The following GRIN2B variants were observed in gnomAD, a reference collection of about 807,000 sequenced individuals.
The protein encoded by GRIN2B is glutamate receptor ionotropic, NMDA 2B.
In GRIN2B, 5 loss-of-function variants were observed where a neutral mutation model predicts 114.5. That is an observed-to-expected ratio of 0.04 (90% CI 0.02 to 0.09). The LOEUF (loss-of-function observed/expected upper bound fraction) is 0.09. Ranked by LOEUF, GRIN2B falls within the 10% of genes least tolerant of loss-of-function variation. The pLI is 1.00. For synonymous variants in GRIN2B, 787 were observed against 745.1 expected (o/e 1.06, Z -0.92); for missense variants, 1,108 against 1,943.5 (o/e 0.57, Z 8.08).
rs137936901 is a variant in GRIN2B, at chr12:13,633,159, G to T, written c.1126-16502C>A. ...TTGACCTTGTAAGGCTGTTGCACTT[G>T]TGCATGTTTGTAGATTCCTTCACTG... On this transcript the variant is annotated intron_variant, in intron 5 of 13. Transcript: ENST00000609686. Among the ~76,000 whole-genome samples the T allele has an allele frequency of 3.9e-5, 6 of 152,314 alleles. 1 individual carries two copies. Among genetic ancestry groups the T allele is most frequent in the African/African-American group, 1.4e-4 (6 of 41,570 alleles).
intron 4 of GRIN2B, among the ~76,000 whole-genome samples, chr12:13,720,215 C>A (rs2136591905): frequency 6.6e-6 from 1 of 152,154 alleles, no homozygotes; most frequent in African/African-American, 2.4e-5. Flanking sequence ...TGTGGCCTGG[C>A]ATCTGTCACA....
At chr12:13,814,580 G>GA (rs1374929912) in intron 3 of GRIN2B, among the ~76,000 whole-genome samples, 4 of 152,164 alleles carry the variant, frequency 2.6e-5, no homozygotes, top group African/African-American at 9.7e-5. Context: ...TTTTCACAAG[G>GA]AAATTTAAGC....
intron 9 of GRIN2B, among the ~76,000 whole-genome samples, chr12:13,609,657 C>T (rs1270124805): frequency 1.3e-5 from 2 of 152,016 alleles, no homozygotes; most frequent in African/African-American, 4.8e-5. Flanking sequence ...CCTGTAGTCC[C>T]AGCTATTCGG....
chr12:13,808,752 A>AAAAT (rs1555142377), intron 3 of GRIN2B, among the ~76,000 whole-genome samples: 72 of 109,896 alleles, frequency 6.6e-4, no homozygotes, highest in African/African-American at 1.9e-3. Flanking sequence ...ATAAAAAAAA[A>AAAAT]ATATATATAT....
intron 3 of GRIN2B, among the ~76,000 whole-genome samples, chr12:13,812,050 G>C (rs990942876): frequency 2.0e-5 from 3 of 152,132 alleles, no homozygotes; most frequent in Non-Finnish European, 4.4e-5. Context: ...ATCTTTCATA[G>C]AAGTCTCAAA....
intron 3 of GRIN2B, among the ~76,000 whole-genome samples, chr12:13,783,810 G>T (rs1254447401): frequency 6.6e-6 from 1 of 152,228 alleles, no homozygotes; most frequent in Non-Finnish European, 1.5e-5. Context: ...CTACCTGCTG[G>T]CCAGACTTGG....
intron 4 of GRIN2B, among the ~76,000 whole-genome samples, chr12:13,707,352 T>G (rs1464037246): frequency 6.6e-6 from 1 of 152,166 alleles, no homozygotes; most frequent in Non-Finnish European, 1.5e-5. Context: ...AGATGGCCTG[T>G]GACTCAGGAG....
At chr12:13,660,749 C>T (rs1949913992) in intron 5 of GRIN2B, among the ~76,000 whole-genome samples, 1 of 152,162 alleles carries the variant, frequency 6.6e-6, no homozygotes, top group South Asian at 2.1e-4. Context: ...CCTTTGCATC[C>T]TTATTTAGCA....
chr12:13,646,192 A>G (rs1949760324), intron 5 of GRIN2B, among the ~76,000 whole-genome samples: 1 of 152,120 alleles, frequency 6.6e-6, no homozygotes, highest in Non-Finnish European at 1.5e-5. Context: ...AAAGACATAT[A>G]TGCAACATTT....
intron 2 of GRIN2B, among the ~76,000 whole-genome samples, chr12:13,952,679 G>A (rs1288825869): frequency 6.6e-6 from 1 of 151,974 alleles, no homozygotes; most frequent in Non-Finnish European, 1.5e-5. Context: ...TGTATTTAAG[G>A]TATATAATAG....
intron 4 of GRIN2B, among the ~76,000 whole-genome samples, chr12:13,741,709 C>T (rs545404735): frequency 3.2e-4 from 49 of 152,196 alleles, no homozygotes; most frequent in Non-Finnish European, 6.5e-4. Flanking sequence ...TGCATGCCAC[C>T]ATGCCTGGCT....
At chr12:13,979,598 G>A (rs1484710213) in intron 2 of GRIN2B, among the ~76,000 whole-genome samples, 1 of 150,874 alleles carries the variant, frequency 6.6e-6, no homozygotes, top group Non-Finnish European at 1.5e-5. Flanking sequence ...TGAATAAAAT[G>A]CTATTTAACT....
At position 13,676,167 on chromosome 12, in the gene GRIN2B, C is replaced by A. The variant is rs146920402; in HGVS notation, c.1011-308G>T. Among the ~76,000 whole-genome samples, 469 of 152,044 alleles carry A rather than the reference C, an allele frequency of 3.1e-3. 4 individuals carry two copies. The highest frequency in any genetic ancestry group is 9.5e-3 in the African/African-American group (396 of 41,490). Reference sequence around the variant, plus strand: ...GAACACATAGACACAGGGAGGGGAACAAGACACACTGGGGCCTGTAGGCAG... The same window carrying A: ...GAACACATAGACACAGGGAGGGGAAAAAGACACACTGGGGCCTGTAGGCAG... On this transcript the variant is annotated intron_variant, in intron 4 of 13. Coordinates refer to ENST00000609686, the MANE Select transcript of GRIN2B (RefSeq NM_000834.5).
At chr12:13,942,638 T>C (rs1867281191) in intron 2 of GRIN2B, among the ~76,000 whole-genome samples, 2 of 152,224 alleles carry the variant, frequency 1.3e-5, no homozygotes, top group Admixed American at 1.3e-4. Context: ...GATAATCATC[T>C]ATTTTCTATA....
intron 3 of GRIN2B, among the ~76,000 whole-genome samples, chr12:13,841,923 A>G (rs1397478924): frequency 6.6e-6 from 1 of 152,180 alleles, no homozygotes; most frequent in Non-Finnish European, 1.5e-5. Context: ...AATTGGAAAA[A>G]TAACAATTCA....
intron 2 of GRIN2B, among the ~76,000 whole-genome samples, chr12:13,965,814 G>A (rs897932397): frequency 3.9e-5 from 6 of 152,110 alleles, no homozygotes; most frequent in South Asian, 2.1e-4. Flanking sequence ...TAATTGCATC[G>A]CTCCTAAAGT....
intron 2 of GRIN2B, among the ~76,000 whole-genome samples, chr12:13,919,289 T>A (rs11055687): frequency 6.6e-6 from 1 of 152,120 alleles, no homozygotes; most frequent in African/African-American, 2.4e-5. Flanking sequence ...GGAGTCCCCA[T>A]ATATCATGTA....
At chr12:13,973,153 C>T (rs1862960236) in intron 2 of GRIN2B, among the ~76,000 whole-genome samples, 1 of 152,190 alleles carries the variant, frequency 6.6e-6, no homozygotes. Flanking sequence ...CTTCCTGTAA[C>T]CATGTAGTGC....
chr12:13,639,502 C>G (rs1324661481), intron 5 of GRIN2B, among the ~76,000 whole-genome samples: 2 of 152,174 alleles, frequency 1.3e-5, no homozygotes, highest in African/African-American at 4.8e-5. Context: ...CTTTTACGTT[C>G]CCACACGTGT....
Sources: gnomAD v4.1 joint callset for allele counts (sites outside exome capture counted in the v4.1 genomes callset) on GRCh38, gnomAD v4.1.1 for gene constraint, MANE v1.5 for transcripts, NCBI Gene and HGNC (gene_info 2026-07-23, HGNC 2026-07-21) for gene names.